Variants in SLC2A9 observed in about 807,000 individuals in gnomAD.
The protein encoded by SLC2A9 is solute carrier family 2, facilitated glucose transporter member 9.
A neutral mutation model predicts 50.6 loss-of-function variants in SLC2A9; 39 were observed. That is an observed-to-expected ratio of 0.77 (90% CI 0.60 to 1.01). SLC2A9 has a LOEUF of 1.01. SLC2A9 is among the 50% of genes least tolerant of loss of function. The pLI is 0.00. For missense variants in SLC2A9, 686 were observed against 677.6 expected, an observed-to-expected ratio of 1.01 and a Z score of -0.14; for synonymous variants, 324 against 276.9, an observed-to-expected ratio of 1.17 and a Z score of -1.69.
intron 1 of SLC2A9, among the ~76,000 whole-genome samples, chr4:9,772,056 T>C (rs1198717855): frequency 1.3e-5 from 2 of 152,190 alleles, no homozygotes; most frequent in South Asian, 2.1e-4. Context: ...TAATGATTAA[T>C]AATGTGGGTT....
At chr4:9,911,083 G>A (rs546203130) in intron 7 of SLC2A9, among the ~76,000 whole-genome samples, 15 of 152,152 alleles carry the variant, frequency 9.9e-5, no homozygotes, top group African/African-American at 3.1e-4. Context: ...AACCATCATG[G>A]CACGTGTATA....
At chr4:9,815,323 C>G (rs1723429755) in intron 3 of SLC2A9, among the ~76,000 whole-genome samples, 1 of 152,236 alleles carries the variant, frequency 6.6e-6, no homozygotes, top group Admixed American at 6.5e-5. Flanking sequence ...ATTGGGCTGA[C>G]TTCACATATT....
intron 3 of SLC2A9, among the ~76,000 whole-genome samples, chr4:9,989,455 C>G (rs1166201064): frequency 6.6e-6 from 1 of 152,096 alleles, no homozygotes; most frequent in Non-Finnish European, 1.5e-5. Flanking sequence ...CAGCTGATGA[C>G]CATGCTTTCT....
chr4:9,845,045 G>A (rs909110539), intron 10 of SLC2A9, among the ~76,000 whole-genome samples: 5 of 151,110 alleles, frequency 3.3e-5, no homozygotes, highest in African/African-American at 9.8e-5. Context: ...ACAGAGTCTC[G>A]CTCTGTTGTC....
intron 8 of SLC2A9, 95 bp from the exon 9 acceptor site, chr4:9,890,806 T>A: frequency 1.8e-6 from 2 of 1,122,078 alleles, no homozygotes; most frequent in Non-Finnish European, 2.6e-6. Context: ...GCATCATGAT[T>A]AAAAACCGGC....
chr4:9,970,740 T>C (rs1753769472), intron 5 of SLC2A9, among the ~76,000 whole-genome samples: 1 of 151,306 alleles, frequency 6.6e-6, no homozygotes, highest in Admixed American at 6.6e-5. Flanking sequence ...TGTTTTATAC[T>C]CAGTACCTGT....
chr4:9,956,878 A>G (rs1751398898), intron 5 of SLC2A9, among the ~76,000 whole-genome samples: 1 of 152,200 alleles, frequency 6.6e-6, no homozygotes, highest in South Asian at 2.1e-4. Context: ...GGACATGGGA[A>G]TGCAAGAAAT....
At chr4:9,879,354 G>GTGTT (rs1734824609) in intron 10 of SLC2A9, 2 of 508,236 alleles carry the variant, frequency 3.9e-6, no homozygotes, top group Non-Finnish European at 4.7e-6. Flanking sequence ...ACCATGAAGC[G>GTGTT]TGTGTGTGTG....
At chr4:10,009,365 A>G (rs964525324) in intron 2 of SLC2A9, 3 of 152,194 alleles carry the variant, frequency 2.0e-5, no homozygotes, top group Non-Finnish European at 4.4e-5. Flanking sequence ...CTGTTGGTTC[A>G]CTTGAATCTT....
chr4:9,840,842 C>T (rs377514528), intron 10 of SLC2A9, among the ~76,000 whole-genome samples: 5 of 152,072 alleles, frequency 3.3e-5, no homozygotes, highest in African/African-American at 7.2e-5. Flanking sequence ...CAAATGGCTG[C>T]GGAGGCCTCA....
intron 3 of SLC2A9, among the ~76,000 whole-genome samples, chr4:9,790,492 T>C (rs1719769634): frequency 6.6e-6 from 1 of 152,162 alleles, no homozygotes. Flanking sequence ...CAACTTGGCT[T>C]CATGGGTAGG....
intron 6 of SLC2A9, among the ~76,000 whole-genome samples, chr4:9,937,191 A>G (rs917841724): frequency 6.6e-6 from 1 of 152,222 alleles, no homozygotes; most frequent in East Asian, 1.9e-4. Flanking sequence ...CCTTACAGCA[A>G]GAGTTGCTTG....
chr4:9,911,735 T>TAAAA (rs1741837539), intron 7 of SLC2A9, among the ~76,000 whole-genome samples: 1 of 152,142 alleles, frequency 6.6e-6, no homozygotes, highest in East Asian at 1.9e-4. Context: ...TCTTTCAGGG[T>TAAAA]TCTTGTAAAA....
At chr4:9,937,037 T>G (rs1192804273) in intron 6 of SLC2A9, among the ~76,000 whole-genome samples, 1 of 152,158 alleles carries the variant, frequency 6.6e-6, no homozygotes, top group African/African-American at 2.4e-5. Context: ...CGTTGAGAAC[T>G]TCCTCCCAGC....
chr4:9,844,149 T>TAAAAAAAA (rs146298159), intron 10 of SLC2A9, among the ~76,000 whole-genome samples: 1 of 66,842 alleles, frequency 1.5e-5, no homozygotes, highest in East Asian at 3.7e-4. Context: ...CCAGATTTAG[T>TAAAAAAAA]AAAAAAAAAA....
At chr4:10,017,080 C>A (rs930107166) in intron 2 of SLC2A9, among the ~76,000 whole-genome samples, 2 of 152,238 alleles carry the variant, frequency 1.3e-5, no homozygotes, top group East Asian at 3.8e-4. Context: ...CTACACATCC[C>A]TCATGACTCA....
chr4:9,849,263 G>C (rs1729484574), intron 10 of SLC2A9, among the ~76,000 whole-genome samples: 1 of 152,190 alleles, frequency 6.6e-6, no homozygotes, highest in South Asian at 2.1e-4. Context: ...TGGGATATGG[G>C]TCAGCAGAAG....
downstream of SLC2A9, among the ~76,000 whole-genome samples, chr4:9,779,561 C>T (rs1397667003): frequency 3.3e-5 from 5 of 151,824 alleles, no homozygotes; most frequent in African/African-American, 1.2e-4. Flanking sequence ...ACTACAGGCG[C>T]CCGCCACCAT....
chr4:9,899,336 C>T (rs1739174886), intron 8 of SLC2A9, among the ~76,000 whole-genome samples: 1 of 152,248 alleles, frequency 6.6e-6, no homozygotes, highest in African/African-American at 2.4e-5. Flanking sequence ...ACTGACGCAG[C>T]TCCCTCTGCA....
Sources: gnomAD v4.1 joint callset for allele counts (sites outside exome capture counted in the v4.1 genomes callset) on GRCh38, gnomAD v4.1.1 for gene constraint, MANE v1.5 for transcripts, NCBI Gene and HGNC (gene_info 2026-07-23, HGNC 2026-07-21) for gene names.